EXOC6B: variants seen among roughly 807,000 people sequenced by gnomAD.
The protein encoded by EXOC6B is exocyst complex component 6B.
Under a neutral mutation model 113.5 loss-of-function variants are expected in EXOC6B, and 54 were observed. The ratio of observed to expected loss-of-function variants is 0.48; its 90% confidence interval spans 0.38 to 0.60. EXOC6B has a LOEUF of 0.60. Ranked by LOEUF, EXOC6B falls within the 20% of genes least tolerant of loss-of-function variation. The pLI is 0.00. For missense variants in EXOC6B, 797 were observed against 977.5 expected, an observed-to-expected ratio of 0.82 and a Z score of 2.46; for synonymous variants, 357 against 339.0, an observed-to-expected ratio of 1.05 and a Z score of -0.58.
chr2:72,821,246 C>T (rs75875505), intron 1 of EXOC6B, among the ~76,000 whole-genome samples: 5,920 of 152,036 alleles, frequency 0.039, 342 homozygotes, highest in African/African-American at 0.13. Context: ...ACAGCTATTA[C>T]GGGAATGCAA....
At chr2:72,514,711 G>A in intron 9 of EXOC6B, 31 bp from the exon 10 acceptor site, 1 of 1,437,340 alleles carries the variant, frequency 7.0e-7, no homozygotes, top group Admixed American at 2.4e-5. Context: ...AAAAGTTATT[G>A]TTTCTGTTTT....
chr2:72,260,830 T>C (rs1683668584), intron 20 of EXOC6B, among the ~76,000 whole-genome samples: 1 of 152,166 alleles, frequency 6.6e-6, no homozygotes, highest in Non-Finnish European at 1.5e-5. Context: ...TTATTTTCTA[T>C]CTGGTGATAA....
At chr2:72,336,942 G>A (rs1688726036) in intron 19 of EXOC6B, among the ~76,000 whole-genome samples, 1 of 151,692 alleles carries the variant, frequency 6.6e-6, no homozygotes. Flanking sequence ...GGGAGGTGGA[G>A]GTTGCAGTGA....
At chr2:72,422,335 G>A (rs1294674803) in intron 18 of EXOC6B, among the ~76,000 whole-genome samples, 1 of 152,232 alleles carries the variant, frequency 6.6e-6, no homozygotes, top group Non-Finnish European at 1.5e-5. Context: ...CTAGCTCATG[G>A]ATTGTAAACA....
Position 72,527,051 on chromosome 2 carries a change from T to C in EXOC6B, c.916-11925A>G, listed in dbSNP as rs202205680. 2.0e-5 allele frequency among the ~76,000 whole-genome samples: 3 copies of C among 152,142 alleles called. No homozygotes were observed. The East Asian group carries it at 5.8e-4, about 29-fold the overall frequency. ...CTCAAGTTGTCTTTTTATAGCCATATCGACTGCTCTCCATCTCTACTTCCT... is the reference window on the plus strand; with the variant it reads ...CTCAAGTTGTCTTTTTATAGCCATACCGACTGCTCTCCATCTCTACTTCCT... On this transcript the variant is annotated intron_variant, in intron 8 of 21. Coordinates refer to ENST00000272427, the MANE Select transcript of EXOC6B (RefSeq NM_015189.3).
At chr2:72,408,646 G>A (rs1055177514) in intron 18 of EXOC6B, among the ~76,000 whole-genome samples, 3 of 152,136 alleles carry the variant, frequency 2.0e-5, no homozygotes, top group Admixed American at 6.5e-5. Flanking sequence ...ATGGTGCTGG[G>A]AAAACTGGCT....
At position 72,178,262 on chromosome 2, in the gene EXOC6B, T is replaced by C. The variant is rs1208869217; in HGVS notation, c.*1073A>G. 2 of 152,248 alleles carry C rather than the reference T, an allele frequency of 1.3e-5. No homozygotes were observed. Among genetic ancestry groups the C allele is most frequent in the East Asian group, 3.8e-4 (2 of 5,196 alleles). 9.4% of individuals were successfully genotyped at this position (152,248 alleles called of 1,614,324 possible). On this transcript the variant is annotated 3_prime_UTR_variant, in exon 22 of 22. Transcript: ENST00000272427. ...TCCCTAGAGGCATCCAGTCCAGGCA[T>C]GGCTGCCCCCACAGTGCAGAGCTGG...
chr2:72,229,163 T>C (rs187159082), intron 20 of EXOC6B, among the ~76,000 whole-genome samples: 3 of 152,288 alleles, frequency 2.0e-5, no homozygotes, highest in Non-Finnish European at 4.4e-5. Flanking sequence ...GGTTTCTTAG[T>C]ATGAGTGACT....
At chr2:72,781,618 G>C (rs746864088) in intron 1 of EXOC6B, among the ~76,000 whole-genome samples, 35 of 152,116 alleles carry the variant, frequency 2.3e-4, no homozygotes, top group Non-Finnish European at 4.6e-4. Context: ...GACAAAAATT[G>C]GCAACAGATC....
rs17008072 is a variant in EXOC6B at position 72,333,978 on chromosome 2, A to G, written c.2196+969T>C. On this transcript the variant is annotated intron_variant, in intron 20 of 21. Coordinates refer to ENST00000272427, the MANE Select transcript of EXOC6B (RefSeq NM_015189.3). ...CTTTAAGAAATACCCTGGGCATCTAAAAGTTTTCAGAATGCAAACTATGTC... is the reference window on the plus strand; with the variant it reads ...CTTTAAGAAATACCCTGGGCATCTAGAAGTTTTCAGAATGCAAACTATGTC... Among the ~76,000 whole-genome samples, 1,212 of 152,212 alleles carry G rather than the reference A, an allele frequency of 8.0e-3. 16 individuals are homozygous for G. The highest frequency in any genetic ancestry group is 0.027 in the African/African-American group (1,129 of 41,518).
intron 6 of EXOC6B, among the ~76,000 whole-genome samples, chr2:72,679,108 T>C (rs1282175716): frequency 6.6e-6 from 1 of 151,956 alleles, no homozygotes. Flanking sequence ...ATTCTGTCAC[T>C]CAGGCTGGAT....
At chr2:72,611,800 A>T (rs2104094098) in intron 6 of EXOC6B, among the ~76,000 whole-genome samples, 1 of 152,344 alleles carries the variant, frequency 6.6e-6, no homozygotes, top group South Asian at 2.1e-4. Context: ...ATAGTTCTGA[A>T]GCTGTCAGAA....
chr2:72,213,055 C>T (rs1396735544), intron 20 of EXOC6B, among the ~76,000 whole-genome samples: 4 of 152,202 alleles, frequency 2.6e-5, no homozygotes, highest in African/African-American at 9.6e-5. Flanking sequence ...TGGGCCTTAA[C>T]AGATACTACT....
At chr2:72,517,518 G>A (rs917643638) in intron 8 of EXOC6B, among the ~76,000 whole-genome samples, 14 of 152,204 alleles carry the variant, frequency 9.2e-5, no homozygotes, top group Non-Finnish European at 4.4e-5. Context: ...ATACATTAAT[G>A]AGGAGGCAAA....
At chr2:72,799,075 C>T (rs1685136179) in intron 1 of EXOC6B, among the ~76,000 whole-genome samples, 1 of 150,860 alleles carries the variant, frequency 6.6e-6, no homozygotes, top group African/African-American at 2.4e-5. Context: ...CTCGTCTCTA[C>T]AAAAAAATAC....
intron 8 of EXOC6B, chr2:72,515,365 T>TA: frequency 9.0e-7 from 1 of 1,116,394 alleles, no homozygotes; most frequent in Non-Finnish European, 1.2e-6. Flanking sequence ...TACCAGAACT[T>TA]AATCACCAGC....
chr2:72,405,246 A>G (rs908690014), intron 18 of EXOC6B, among the ~76,000 whole-genome samples: 6 of 152,252 alleles, frequency 3.9e-5, no homozygotes, highest in Non-Finnish European at 8.8e-5. Flanking sequence ...TGAAAGTGAC[A>G]GGGAGAATGG....
rs555306907 is a variant in EXOC6B, at chr2:72,732,527, T to C, written c.327+544A>G. ...CACACTGTGCCAGTCACTATTTAGG[T>C]AGATGGAGGGGATACAGCAATGAAT... On this transcript the variant is annotated intron_variant, in intron 3 of 21. Transcript: ENST00000272427. Among the ~76,000 whole-genome samples, 68 of 152,170 alleles carry C rather than the reference T, an allele frequency of 4.5e-4. No individual in the cohort carries two copies. The South Asian group carries it at 0.014, about 31-fold the overall frequency.
chr2:72,430,316 G>A (rs1695447806), intron 18 of EXOC6B, among the ~76,000 whole-genome samples: 1 of 152,176 alleles, frequency 6.6e-6, no homozygotes, highest in Admixed American at 6.5e-5. Flanking sequence ...TAAACTCTGA[G>A]TAAAAAGATG....
Sources: gnomAD v4.1 joint callset for allele counts (sites outside exome capture counted in the v4.1 genomes callset) on GRCh38, gnomAD v4.1.1 for gene constraint, MANE v1.5 for transcripts, NCBI Gene and HGNC (gene_info 2026-07-23, HGNC 2026-07-21) for gene names.